Variants in PLXNC1 observed in about 807,000 individuals in gnomAD.
The protein encoded by PLXNC1 is plexin C1.
Under a neutral mutation model 178.2 loss-of-function variants are expected in PLXNC1, and 75 were observed. The observed-to-expected ratio is 0.42, with a 90% confidence interval of 0.35 to 0.51. The LOEUF is 0.51. Among genes scored for constraint, PLXNC1 ranks in the 20% least tolerant of loss-of-function variants. PLXNC1 has a pLI of 0.02. For synonymous variants in PLXNC1, 790 were observed against 779.9 expected (o/e 1.01, Z -0.22); for missense variants, 1,503 against 1,984.4 (o/e 0.76, Z 4.61).
chr12:94,220,296 A>T, intron 6 of PLXNC1, 133 bp downstream of exon 6: 1 of 819,022 alleles, frequency 1.2e-6, no homozygotes, highest in African/African-American at 1.7e-5. Context: ...CCTGGTTCCC[A>T]CTTTTGCTCT....
At chr12:94,298,319 C>T (rs1004762469) in intron 26 of PLXNC1, among the ~76,000 whole-genome samples, 31 of 152,196 alleles carry the variant, frequency 2.0e-4, no homozygotes, top group African/African-American at 7.2e-4. Context: ...TCCATGGCTT[C>T]CTGGTTTATG....
intron 4 of PLXNC1, among the ~76,000 whole-genome samples, chr12:94,192,479 A>AC (rs1247227943): frequency 2.0e-5 from 3 of 149,938 alleles, no homozygotes; most frequent in Non-Finnish European, 4.4e-5. Flanking sequence ...ATAACAAACA[A>AC]CCCCCAAATC....
chr12:94,285,915 C>T (rs1254692239), intron 23 of PLXNC1, among the ~76,000 whole-genome samples: 2 of 152,154 alleles, frequency 1.3e-5, no homozygotes, highest in African/African-American at 4.8e-5. Context: ...CCCTTGGCCA[C>T]TGTGGGGCAT....
intron 26 of PLXNC1, 44 bp downstream of exon 26, chr12:94,297,467 T>TG (rs1968053325): frequency 2.3e-6 from 3 of 1,292,770 alleles, no homozygotes; most frequent in Non-Finnish European, 3.3e-6. Context: ...ACCTAGGGGG[T>TG]GTATGATATG....
Position 94,251,540 on chromosome 12 carries a change from G to A in PLXNC1, c.2881+12G>A, listed in dbSNP as rs757977402. 2 of 1,526,538 alleles carry A rather than the reference G, an allele frequency of 1.3e-6. No homozygotes were observed. Among genetic ancestry groups the A allele is most frequent in the African/African-American group, 1.4e-5 (1 of 73,186 alleles). The allele number at this position is 1,526,538 out of a possible 1,614,324, so 94.6% of individuals were successfully genotyped here. On this transcript the variant is annotated intron_variant, in intron 15 of 30. Coordinates refer to ENST00000258526, the MANE Select transcript of PLXNC1 (RefSeq NM_005761.3). ...GATTGTCATTTTTGGTAAGTGCCCT[G>A]TTTAATTTTGTCAGAGAAATTATTC...
rs1039843644 is a variant in PLXNC1 at position 94,181,821 on chromosome 12, T to C, written c.1338+241T>C. On this transcript the variant is annotated intron_variant, in intron 3 of 30. Transcript: ENST00000258526. Reference sequence around the variant, plus strand: ...ATTGGCTATATTTCCAGTGCCAAGTTTTTCAGAGGAGGGTGTGCTTGGAAA... The same window carrying C: ...ATTGGCTATATTTCCAGTGCCAAGTCTTTCAGAGGAGGGTGTGCTTGGAAA... Among the ~76,000 whole-genome samples the C allele has an allele frequency of 2.0e-5, 3 of 152,276 alleles. No homozygotes were observed. In the East Asian group the frequency reaches 5.8e-4, roughly 29 times the overall value.
At chr12:94,240,978 A>C (rs1799485709) in intron 11 of PLXNC1, among the ~76,000 whole-genome samples, 1 of 152,152 alleles carries the variant, frequency 6.6e-6, no homozygotes, top group African/African-American at 2.4e-5. Context: ...TTGTGATAAA[A>C]GGCTTCTTTC....
chr12:94,162,372 G>A (rs771164566), intron 1 of PLXNC1, among the ~76,000 whole-genome samples: 1 of 152,186 alleles, frequency 6.6e-6, no homozygotes, highest in Non-Finnish European at 1.5e-5. Flanking sequence ...GCAGAGTGCA[G>A]GAGGAGAAGA....
rs144390504 is a variant in PLXNC1, at chr12:94,195,272, T to G, written c.1439+8799T>G. Among the ~76,000 whole-genome samples the G allele has an allele frequency of 1.6e-4, 24 of 152,280 alleles. No individual in the cohort carries two copies. The East Asian group carries it at 4.1e-3, about 26-fold the overall frequency. On this transcript the variant is annotated intron_variant, in intron 4 of 30. Transcript: ENST00000258526. Reference sequence around the variant, plus strand: ...TCTCTCCCGGCCTCCCACCCCACCCTTCCTGGGTCACTTTCCTCTGGTGTG... The same window carrying G: ...TCTCTCCCGGCCTCCCACCCCACCCGTCCTGGGTCACTTTCCTCTGGTGTG...
In PLXNC1 at chr12:94,235,069, G is replaced by A. The variant is rs546892300; in HGVS notation, c.1981-2595G>A. Among the ~76,000 whole-genome samples, 279 of 152,222 alleles carry A rather than the reference G, an allele frequency of 1.8e-3. 2 individuals are homozygous for A. The highest frequency in any genetic ancestry group is 3.9e-3 in the Admixed American group (60 of 15,292). ...CTCTTTAACCCATTTATTAAGATTA[G>A]AAGAGGTTCCACCAGCAAACAAAAG... On this transcript the variant is annotated intron_variant, in intron 9 of 30. Coordinates refer to ENST00000258526, the MANE Select transcript of PLXNC1 (RefSeq NM_005761.3).
At chr12:94,281,469 G>A (rs861281) in intron 22 of PLXNC1, among the ~76,000 whole-genome samples, 96,166 of 151,948 alleles carry the variant, frequency 0.63, 30,416 homozygotes, top group Middle Eastern at 0.69. Flanking sequence ...CCATCCAAGG[G>A]GACAGTGCCA....
intron 9 of PLXNC1, among the ~76,000 whole-genome samples, chr12:94,228,502 C>G (rs1964007683): frequency 6.6e-6 from 1 of 152,160 alleles, no homozygotes; most frequent in African/African-American, 2.4e-5. Context: ...ATTGCACAAC[C>G]TATCTCCAGA....
chr12:94,162,170 G>A (rs1961408191), intron 1 of PLXNC1, among the ~76,000 whole-genome samples: 1 of 152,154 alleles, frequency 6.6e-6, no homozygotes, highest in African/African-American at 2.4e-5. Flanking sequence ...AGGTAGGAAC[G>A]GGAAGAGCTA....
chr12:94,187,950 G>A (rs1321470519), intron 4 of PLXNC1, among the ~76,000 whole-genome samples: 1 of 152,036 alleles, frequency 6.6e-6, no homozygotes, highest in African/African-American at 2.4e-5. Flanking sequence ...TGGTGTTTAG[G>A]GGTTGGGGAG....
intron 1 of PLXNC1, among the ~76,000 whole-genome samples, chr12:94,154,817 G>A (rs1961099842): frequency 6.6e-6 from 1 of 152,200 alleles, no homozygotes; most frequent in South Asian, 2.1e-4. Flanking sequence ...CAGTGTTGGT[G>A]TTCTGATCTA....
chr12:94,223,594 T>A (rs996190225), intron 6 of PLXNC1, among the ~76,000 whole-genome samples: 2 of 152,238 alleles, frequency 1.3e-5, no homozygotes, highest in African/African-American at 4.8e-5. Flanking sequence ...TTTAAAGAGA[T>A]ACAGGAAATA....
intron 21 of PLXNC1, among the ~76,000 whole-genome samples, chr12:94,265,824 ACTT>A (rs200439935): frequency 6.6e-6 from 1 of 151,444 alleles, no homozygotes; most frequent in Admixed American, 6.6e-5. Flanking sequence ...CCGCTTGAGA[ACTT>A]CTTTCTAATT....
At chr12:94,214,875 T>TAGCAGAG (rs1490509749) in intron 5 of PLXNC1, among the ~76,000 whole-genome samples, 1 of 151,968 alleles carries the variant, frequency 6.6e-6, no homozygotes, top group East Asian at 1.9e-4. Context: ...AGTAGTTAGA[T>TAGCAGAG]AGCAGAGCAG....
chr12:94,245,938 G>A (rs1964517163), intron 12 of PLXNC1, among the ~76,000 whole-genome samples: 1 of 152,206 alleles, frequency 6.6e-6, no homozygotes, highest in South Asian at 2.1e-4. Context: ...AGGTACACTG[G>A]ACTCACACTG....
Sources: allele counts gnomAD v4.1 joint callset (sites outside exome capture counted in the v4.1 genomes callset), GRCh38; gene constraint gnomAD v4.1.1; transcripts MANE v1.5; gene names NCBI Gene and HGNC (gene_info 2026-07-23, HGNC 2026-07-21).